Variants in FNDC4 observed in about 807,000 individuals in gnomAD.
FNDC4 encodes fibronectin type III domain containing 4, also known as fibronectin type III domain-containing protein 4.
FNDC4 carries 11 observed loss-of-function variants against 25.1 expected under a neutral mutation model. The ratio of observed to expected loss-of-function variants is 0.44; its 90% confidence interval spans 0.28 to 0.73. The LOEUF (loss-of-function observed/expected upper bound fraction) is 0.73. Among genes scored for constraint, FNDC4 ranks in the 30% least tolerant of loss-of-function variants. FNDC4 has a pLI of 0.16. For missense variants in FNDC4, 250 were observed against 304.3 expected (o/e 0.82, Z 1.33); for synonymous variants, 136 against 118.8 (o/e 1.14, Z -0.94).
Position 27,495,032 on chromosome 2 carries a change from C to T in FNDC4, c.-179G>A. ...GGCCGAGCTGCGGGCGGAGCGGGCGCGGGTCTGCGGAGCCCCCAGGGCTCG... is the reference window on the plus strand; with the variant it reads ...GGCCGAGCTGCGGGCGGAGCGGGCGTGGGTCTGCGGAGCCCCCAGGGCTCG... On this transcript the variant is annotated 5_prime_UTR_variant, in exon 1 of 7. Transcript: ENST00000264703. The T allele has an allele frequency of 6.1e-6, 1 of 163,826 alleles. No individual in the cohort carries two copies. Among genetic ancestry groups the T allele is most frequent in the Non-Finnish European group, 1.3e-5 (1 of 76,438 alleles). 10.1% of individuals were successfully genotyped at this position (163,826 alleles called of 1,614,324 possible). A position where few individuals can be genotyped will look rare whatever the true frequency, so the allele number is the denominator to read the frequency against.
At position 27,492,748 on chromosome 2, in the gene FNDC4, TC is replaced by T; in HGVS notation, c.586del (p.Asp196ThrfsTer41). 6.2e-7 allele frequency: 1 copy of T among 1,614,136 alleles called. No individual in the cohort carries two copies. Among genetic ancestry groups the T allele is most frequent in the Non-Finnish European group, 8.5e-7 (1 of 1,180,016 alleles). On this transcript the variant is annotated frameshift_variant, in exon 6 of 7. Transcript: ENST00000264703. LOFTEE classifies it high-confidence loss of function. This position sits in a 1 kb window ranked among gnomAD's most constrained non-coding sequence, Gnocchi z 4.1. ...LFCRQYDIIK[D>X]NDSNNNPKEK... ...CTTGGGATTGTTGTTGGAGTCATTG[TC>T]CTTGATGATGTCATACTGACGGCAG... is the stretch of plus-strand genomic sequence containing the variant.
In FNDC4 at chr2:27,492,865, A is replaced by T; in HGVS notation, c.545-75T>A. The T allele has an allele frequency of 6.3e-7, 1 of 1,575,776 alleles. No homozygotes were observed. The highest frequency in any genetic ancestry group is 8.7e-7 in the Non-Finnish European group (1 of 1,151,940). ...GGAGATACCTACGTAGCTTCTAGAAAATCCATGAAGAACATCCTGAATTCC... is the reference window on the plus strand; with the variant it reads ...GGAGATACCTACGTAGCTTCTAGAATATCCATGAAGAACATCCTGAATTCC... On this transcript the variant is annotated intron_variant, in intron 5 of 6. Transcript: ENST00000264703. This position sits in a 1 kb window ranked among gnomAD's most constrained non-coding sequence, Gnocchi z 4.1.
At position 27,494,700 on chromosome 2, in the gene FNDC4, G is replaced by C. The variant is rs1407014857; in HGVS notation, c.-21C>G. 2.6e-6 allele frequency: 4 copies of C among 1,511,396 alleles called. No individual in the cohort carries two copies. The highest frequency in any genetic ancestry group is 3.5e-6 in the Non-Finnish European group (4 of 1,132,854). The allele number at this position is 1,511,396 out of a possible 1,614,324, so 93.6% of individuals were successfully genotyped here. On this transcript the variant is annotated 5_prime_UTR_variant, in exon 2 of 7. Coordinates refer to ENST00000264703, the MANE Select transcript of FNDC4 (RefSeq NM_022823.3). The surrounding 1 kb of genome is among the most constrained non-coding windows in gnomAD (Gnocchi z 4.6). ...GGCATCCGCTTGACATCCAGGCGGG[G>C]CTCCTGGAGATGGCAGGAGTTGTGG...
chr2:27,494,565 G>C lies in FNDC4; in HGVS notation c.115C>G (p.Leu39Val), dbSNP rs1223818514. The change falls in exon 2 of 7, where the codon CTG becomes GTG. Residue 39 changes from leucine (L) to valine (V), a missense_variant. Coordinates refer to ENST00000264703, the MANE Select transcript of FNDC4 (RefSeq NM_022823.3). This position sits in a 1 kb window ranked among gnomAD's most constrained non-coding sequence, Gnocchi z 4.6. ...TACTTACCTGCTCGCACGAAGCCCA[G>C]GTCACAGCTGACCAGCAGGAGGACC... Reference protein sequence around the residue: ...PTVLLLVSCDLGFVRADRPPS... With the variant: ...PTVLLLVSCDVGFVRADRPPS... 1.2e-6 allele frequency: 2 copies of C among 1,612,644 alleles called. No individual in the cohort carries two copies. The highest frequency in any genetic ancestry group is 1.7e-5 in the Admixed American group (1 of 59,778).
chr2:27,492,145 A>G lies in FNDC4; in HGVS notation c.*298T>C. 1 of 462,526 alleles carries G rather than the reference A, an allele frequency of 2.2e-6. No homozygotes were observed. The highest frequency in any genetic ancestry group is 3.9e-6 in the Non-Finnish European group (1 of 257,126). 28.7% of individuals were successfully genotyped at this position (462,526 alleles called of 1,614,324 possible). The stretch of plus-strand genomic sequence containing the variant: ...TGCTCAGAGTCCTGATACAGGTGAA[A>G]TGGGGCCCCCATTTGGGACCTAATG... On this transcript the variant is annotated 3_prime_UTR_variant, in exon 7 of 7. Transcript: ENST00000264703. This position sits in a 1 kb window ranked among gnomAD's most constrained non-coding sequence, Gnocchi z 4.1.
chr2:27,494,020 CG>C lies in FNDC4; in HGVS notation c.363del (p.Ile121MetfsTer63), dbSNP rs2148574652. On this transcript the variant is annotated frameshift_variant, in exon 4 of 7. Transcript: ENST00000264703. LOFTEE classifies it high-confidence loss of function. This position sits in a 1 kb window ranked among gnomAD's most constrained non-coding sequence, Gnocchi z 4.6. ...DSDYTVQVRSIGLRGESPPGP... is the reference protein window; with the variant it reads ...DSDYTVQVRSXGLRGESPPGP... The stretch of plus-strand genomic sequence containing the variant: ...CCTGGGGGACTCTCTCCCCGAAGGC[CG>C]ATGCTCCTGACCTGCACTGTGTAGT... The C allele has an allele frequency of 3.7e-6, 6 of 1,614,214 alleles. No homozygotes were observed. Among genetic ancestry groups the C allele is most frequent in the Non-Finnish European group, 5.1e-6 (6 of 1,180,026 alleles).
chr2:27,494,516 T>A lies in FNDC4; in HGVS notation c.133+31A>T. The stretch of plus-strand genomic sequence containing the variant: ...GGTTTCACCCATTGACTAGCTGTGG[T>A]TGACCCTCAGCCCCGTTCCCCTTTA... On this transcript the variant is annotated intron_variant, in intron 2 of 6. Transcript: ENST00000264703. The surrounding 1 kb of genome is among the most constrained non-coding windows in gnomAD (Gnocchi z 4.6). 1 of 1,612,736 alleles carries A rather than the reference T, an allele frequency of 6.2e-7. No individual in the cohort carries two copies. The highest frequency in any genetic ancestry group is 8.5e-7 in the Non-Finnish European group (1 of 1,179,402).
chr2:27,494,967 A>C lies in FNDC4; in HGVS notation c.-114T>G. 4.0e-6 allele frequency: 1 copy of C among 250,908 alleles called. No individual in the cohort carries two copies. Among genetic ancestry groups the C allele is most frequent in the Non-Finnish European group, 7.5e-6 (1 of 133,622 alleles). 15.5% of individuals were successfully genotyped at this position (250,908 alleles called of 1,614,324 possible). Reference sequence around the variant, plus strand: ...CGCCCGACTCGGTGGCGCTGCCCCTACCCCATCCCGGCGCGGGCCCGGCGA... The same window carrying C: ...CGCCCGACTCGGTGGCGCTGCCCCTCCCCCATCCCGGCGCGGGCCCGGCGA... On this transcript the variant is annotated 5_prime_UTR_variant, in exon 1 of 7. The change abolishes the stop of an existing upstream ORF in the 5' untranslated region. Coordinates refer to ENST00000264703, the MANE Select transcript of FNDC4 (RefSeq NM_022823.3). This position sits in a 1 kb window ranked among gnomAD's most constrained non-coding sequence, Gnocchi z 4.6.
At chr2:27,493,893 G>T (rs1406750904) in intron 4 of FNDC4, 37 bp downstream of exon 4, 4 of 1,594,798 alleles carry the variant, frequency 2.5e-6, no homozygotes. Flanking sequence ...TGCAAGCCAG[G>T]TAAGCAGCCA....
At position 27,494,458 on chromosome 2, in the gene FNDC4, G is replaced by C. The variant is rs550961906; in HGVS notation, c.142C>G (p.Pro48Ala). 1.1e-5 allele frequency: 17 copies of C among 1,614,166 alleles called. No individual in the cohort carries two copies. In the East Asian group the frequency reaches 2.5e-4, roughly 23 times the overall value. ...GTGACCGTCACATTCACAGGAGAGGGAGGCCGGTCTGCGGGAGCCAGGGTG... is the reference window on the plus strand; with the variant it reads ...GTGACCGTCACATTCACAGGAGAGGCAGGCCGGTCTGCGGGAGCCAGGGTG... ...DLGFVRADRP[P>A]SPVNVTVTHL... The change falls in exon 3 of 7, where the codon CCC becomes GCC. Residue 48 changes from proline to alanine, a missense_variant. By Grantham distance (27) the Pro-to-Ala change is conservative. Transcript: ENST00000264703. The surrounding 1 kb of genome is among the most constrained non-coding windows in gnomAD (Gnocchi z 4.6).
rs1208056535 is a variant in FNDC4, at chr2:27,492,674, T to G, written c.661A>C (p.Thr221Pro). ...ACTGGCCCCCACATCACCTGTCTTG[T>G]CCCCACTGGCCTTCCCTGAGGACTC... Reference protein sequence around the residue: ...EQSPQGRPVGTRQKKSPSINT... With the variant: ...EQSPQGRPVGPRQKKSPSINT... The change falls in exon 6 of 7, where the codon ACA (threonine) becomes CCA (proline). Residue 221 changes from threonine (T) to proline (P), a missense_variant. By Grantham distance (38) the Thr-to-Pro change is conservative. Coordinates refer to ENST00000264703, the MANE Select transcript of FNDC4 (RefSeq NM_022823.3). This position sits in a 1 kb window ranked among gnomAD's most constrained non-coding sequence, Gnocchi z 4.1. 6.8e-6 allele frequency: 11 copies of G among 1,614,012 alleles called. No homozygotes were observed. The highest frequency in any genetic ancestry group is 9.3e-6 in the Non-Finnish European group (11 of 1,180,028).
At position 27,494,477 on chromosome 2, in the gene FNDC4, CA is replaced by C. The variant is rs749153989; in HGVS notation, c.134-12del. The stretch of plus-strand genomic sequence containing the variant: ...GAGAGGGAGGCCGGTCTGCGGGAGC[CA>C]GGGTGTTTAACAGGTTTCACCCATT... On this transcript the variant is annotated splice_polypyrimidine_tract_variant and intron_variant, in intron 2 of 6. Transcript: ENST00000264703. The surrounding 1 kb of genome is among the most constrained non-coding windows in gnomAD (Gnocchi z 4.6). 6 of 1,613,838 alleles carry C rather than the reference CA, an allele frequency of 3.7e-6. No homozygotes were observed. The highest frequency in any genetic ancestry group is 5.1e-6 in the Non-Finnish European group (6 of 1,179,848).
Position 27,494,599 on chromosome 2 carries a change from T to C in FNDC4, c.81A>G (p.Leu27=), listed in dbSNP as rs1488934594. ...TGACCAGCAGGAGGACCGTGGGGCT[T>C]AGATATGGGGAAAGGGGCACCAGCG... ...MASLVPLSPY[L]SPTVLLLVSC... The change falls in exon 2 of 7, where the codon CTA becomes CTG. Residue 27 remains leucine, a synonymous_variant. Coordinates refer to ENST00000264703, the MANE Select transcript of FNDC4 (RefSeq NM_022823.3). This position sits in a 1 kb window ranked among gnomAD's most constrained non-coding sequence, Gnocchi z 4.6. 1 of 1,612,352 alleles carries C rather than the reference T, an allele frequency of 6.2e-7. No individual in the cohort carries two copies. Among genetic ancestry groups the C allele is most frequent in the South Asian group, 1.1e-5 (1 of 90,770 alleles).
At chr2:27,493,819 G>T in intron 4 of FNDC4, 111 bp downstream of exon 4, 2 of 1,010,434 alleles carry the variant, frequency 2.0e-6, no homozygotes, top group South Asian at 1.4e-5. Flanking sequence ...GCAGTACAAT[G>T]AATTAAATCA....
Position 27,494,045 on chromosome 2 carries a change from G to C in FNDC4, c.339C>G (p.Asp113Glu). The part of the protein sequence containing the change: ...CALWGLAEDS[D>E]YTVQVRSIGL... ...CGATGCTCCTGACCTGCACTGTGTAGTCACTGTCTTCAGCCAGGCCCCAGA... is the reference window on the plus strand; with the variant it reads ...CGATGCTCCTGACCTGCACTGTGTACTCACTGTCTTCAGCCAGGCCCCAGA... The change falls in exon 4 of 7, where the codon GAC becomes GAG. Residue 113 changes from aspartate to glutamate, a missense_variant. Physicochemically the swap from Asp to Glu is conservative, Grantham distance 45 (BLOSUM62 2). Transcript: ENST00000264703. The surrounding 1 kb of genome is among the most constrained non-coding windows in gnomAD (Gnocchi z 4.6). 6.2e-7 allele frequency: 1 copy of C among 1,614,192 alleles called. No individual in the cohort carries two copies. Among genetic ancestry groups the C allele is most frequent in the Non-Finnish European group, 8.5e-7 (1 of 1,180,000 alleles).
chr2:27,493,077 C>A (rs534158479), intron 5 of FNDC4, among the ~76,000 whole-genome samples: 208 of 145,284 alleles, frequency 1.4e-3, no homozygotes, highest in Non-Finnish European at 2.4e-3. Flanking sequence ...GGCATGATCT[C>A]GGCTCGCTCA....
Position 27,492,606 on chromosome 2 carries a change from TC to T in FNDC4, c.669+59del. The stretch of plus-strand genomic sequence containing the variant: ...CTGCCCCTCTTTGACCTTCTTCCTT[TC>T]CCTGGCTGCCCCTCAGGGGCAGAAT... On this transcript the variant is annotated intron_variant, in intron 6 of 6. Coordinates refer to ENST00000264703, the MANE Select transcript of FNDC4 (RefSeq NM_022823.3). The surrounding 1 kb of genome is among the most constrained non-coding windows in gnomAD (Gnocchi z 4.1). 1 of 1,610,916 alleles carries T rather than the reference TC, an allele frequency of 6.2e-7. No individual in the cohort carries two copies. The highest frequency in any genetic ancestry group is 8.5e-7 in the Non-Finnish European group (1 of 1,177,258).
Position 27,492,715 on chromosome 2 carries a change from C to T in FNDC4, c.620G>A (p.Gly207Glu). 1 of 1,614,154 alleles carries T rather than the reference C, an allele frequency of 6.2e-7. No individual in the cohort carries two copies. Among genetic ancestry groups the T allele is most frequent in the Non-Finnish European group, 8.5e-7 (1 of 1,180,024 alleles). The change falls in exon 6 of 7, where the codon GGA becomes GAA. Residue 207 changes from glycine (G) to glutamate (E), a missense_variant. Gly to Glu is a moderately conservative substitution (Grantham distance 98, BLOSUM62 -2). Transcript: ENST00000264703. The surrounding 1 kb of genome is among the most constrained non-coding windows in gnomAD (Gnocchi z 4.1). Reference protein sequence around the residue: ...NDSNNNPKEKGKGPEQSPQGR... With the variant: ...NDSNNNPKEKEKGPEQSPQGR... ...CTGAGGACTCTGTTCCGGCCCCTTT[C>T]CCTTCTCCTTGGGATTGTTGTTGGA...
rs751800976 is a variant in FNDC4 at position 27,494,011 on chromosome 2, CCCGAAGG to C, written c.366_372del (p.Leu123GlufsTer59). On this transcript the variant is annotated frameshift_variant, in exon 4 of 7. Transcript: ENST00000264703. LOFTEE classifies it high-confidence loss of function. This position sits in a 1 kb window ranked among gnomAD's most constrained non-coding sequence, Gnocchi z 4.6. ...ACCCGGGGCCCTGGGGGACTCTCTC[CCCGAAGG>C]CCGATGCTCCTGACCTGCACTGTGT... is the stretch of plus-strand genomic sequence containing the variant. 3.1e-6 allele frequency: 5 copies of C among 1,614,226 alleles called. No homozygotes were observed. The highest frequency in any genetic ancestry group is 8.5e-7 in the Non-Finnish European group (1 of 1,180,040).
Sources: allele counts gnomAD v4.1 joint callset (sites outside exome capture counted in the v4.1 genomes callset), GRCh38; gene constraint gnomAD v4.1.1; non-coding constraint Gnocchi (gnomAD v3.1); transcripts MANE v1.5; gene names NCBI Gene and HGNC (gene_info 2026-07-23, HGNC 2026-07-21).